The following GABRB3 variants were observed in gnomAD, a reference collection of about 807,000 sequenced individuals.
The protein encoded by GABRB3 is gamma-aminobutyric acid type A receptor subunit beta3.
Under a neutral mutation model 52.1 loss-of-function variants are expected in GABRB3, and 14 were observed. The ratio of observed to expected loss-of-function variants is 0.27; its 90% CI spans 0.18 to 0.42. The LOEUF (loss-of-function observed/expected upper bound fraction) is 0.42, where lower values mean the gene tolerates loss of function less well. Ranked by LOEUF, GABRB3 falls within the 10% of genes least tolerant of loss-of-function variation. The probability of loss-of-function intolerance (pLI) is 1.00; values close to 1 mark genes in which losing one functional copy is unlikely to be tolerated. For synonymous variants in GABRB3, 260 were observed against 232.3 expected, an observed-to-expected ratio of 1.12 and a Z score of -1.08; for missense variants, 307 against 609.1, an observed-to-expected ratio of 0.50 and a Z score of 5.22.
At chr15:26,690,106 A>AT (rs56143305) in intron 3 of GABRB3, among the ~76,000 whole-genome samples, 8,897 of 137,418 alleles carry the variant, frequency 0.065, 414 homozygotes, top group Admixed American at 0.1. Context: ...AGGTACACGG[A>AT]TTTTTTTTTT....
At chr15:26,564,797 A>G (rs1308915288) in intron 7 of GABRB3, among the ~76,000 whole-genome samples, 1 of 152,222 alleles carries the variant, frequency 6.6e-6, no homozygotes, top group Non-Finnish European at 1.5e-5. Flanking sequence ...ATAAGAGTTC[A>G]TAATGTTTGG....
Position 26,656,943 on chromosome 15 carries a change from G to T in GABRB3, c.241-35409C>A, listed in dbSNP as rs140278942. The T allele has an allele frequency of 5.3e-5, 8 of 152,324 alleles. 1 individual carries two copies. The highest frequency in any genetic ancestry group is 1.9e-4 in the African/African-American group (8 of 41,564). 9.4% of individuals were successfully genotyped at this position (152,324 alleles called of 1,614,324 possible). A position where few individuals can be genotyped will look rare whatever the true frequency, so the allele number is the denominator to read the frequency against. On this transcript the variant is annotated intron_variant, in intron 3 of 8. Coordinates refer to ENST00000311550, the MANE Select transcript of GABRB3 (RefSeq NM_000814.6). Reference sequence around the variant, plus strand: ...TAGAGACTGAAACAGCAATAATGATGCTTTACCTAGTAGCTCCATCTGTCT... The same window carrying T: ...TAGAGACTGAAACAGCAATAATGATTCTTTACCTAGTAGCTCCATCTGTCT...
At chr15:26,724,405 C>A (rs975469552) in intron 3 of GABRB3, among the ~76,000 whole-genome samples, 6 of 152,192 alleles carry the variant, frequency 3.9e-5, no homozygotes, top group Non-Finnish European at 8.8e-5. Flanking sequence ...CATTATATAT[C>A]CTTTCCCTTG....
intron 4 of GABRB3, among the ~76,000 whole-genome samples, chr15:26,606,771 T>TTG (rs1566770494): frequency 1.9e-5 from 1 of 53,128 alleles, no homozygotes; most frequent in Non-Finnish European, 5.5e-5. Context: ...TGTCTATCTA[T>TTG]AGATAGATAG....
chr15:26,597,383 T>C (rs183377896), intron 4 of GABRB3, among the ~76,000 whole-genome samples: 32 of 152,324 alleles, frequency 2.1e-4, no homozygotes, highest in Non-Finnish European at 2.4e-4. Context: ...TGAAGGAAGA[T>C]TGGCACCTTC....
At position 26,597,643 on chromosome 15, in the gene GABRB3, C is replaced by T. The variant is rs117029357; in HGVS notation, c.462-14229G>A. Among the ~76,000 whole-genome samples, 284 of 152,246 alleles carry T rather than the reference C, an allele frequency of 1.9e-3. 6 individuals are homozygous for T. The East Asian group carries it at 0.037, about 20-fold the overall frequency. ...GACCATGAAGGATACATTCTTAGAG[C>T]TAACAAAAGCCCCAATACATTCCAT... is the stretch of plus-strand genomic sequence containing the variant. On this transcript the variant is annotated intron_variant, in intron 4 of 8. Transcript: ENST00000311550.
At chr15:26,741,106 C>T (rs1265259880) in intron 3 of GABRB3, among the ~76,000 whole-genome samples, 1 of 151,218 alleles carries the variant, frequency 6.6e-6, no homozygotes, top group Non-Finnish European at 1.5e-5. Context: ...TATACAAGCA[C>T]ATAGCAAAAA....
intron 3 of GABRB3, among the ~76,000 whole-genome samples, chr15:26,760,228 G>A (rs918504578): frequency 6.6e-6 from 1 of 152,182 alleles, no homozygotes; most frequent in Admixed American, 6.5e-5. Context: ...AGAAGCTGTG[G>A]TCTGTGTAAA....
intron 3 of GABRB3, among the ~76,000 whole-genome samples, chr15:26,680,424 T>C (rs966975254): frequency 2.6e-5 from 4 of 152,122 alleles, no homozygotes; most frequent in Non-Finnish European, 4.4e-5. Context: ...CTCCTAGTCC[T>C]ACTTTGCTCA....
intron 4 of GABRB3, among the ~76,000 whole-genome samples, chr15:26,601,780 C>T (rs763849425): frequency 2.8e-4 from 43 of 151,926 alleles, no homozygotes; most frequent in Admixed American, 1.2e-3. Context: ...AAATAAAAAT[C>T]GAGAAACTAA....
At chr15:26,760,276 G>A (rs745375772) in intron 3 of GABRB3, among the ~76,000 whole-genome samples, 10 of 152,160 alleles carry the variant, frequency 6.6e-5, no homozygotes, top group African/African-American at 1.9e-4. Flanking sequence ...AACAGCTTAC[G>A]GACTCTAAGA....
intron 3 of GABRB3, among the ~76,000 whole-genome samples, chr15:26,648,894 G>A (rs879304539): frequency 2.0e-5 from 3 of 152,138 alleles, no homozygotes; most frequent in Non-Finnish European, 4.4e-5. Context: ...TGACTGGTGG[G>A]GTTCCAGGGA....
rs577620873 is a variant in GABRB3 at position 26,586,155 on chromosome 15, C to T, written c.462-2741G>A. On this transcript the variant is annotated intron_variant, in intron 4 of 8. Transcript: ENST00000311550. The stretch of plus-strand genomic sequence containing the variant: ...ATGGGACTACAGGCGCCTGCCACCA[C>T]GCCCAGCTAATTTTTTTGCATTTTT... Among the ~76,000 whole-genome samples the T allele has an allele frequency of 3.3e-5, 5 of 152,032 alleles. No homozygotes were observed. The East Asian group carries it at 7.8e-4, about 24-fold the overall frequency.
At chr15:26,752,182 T>G (rs893785215) in intron 3 of GABRB3, among the ~76,000 whole-genome samples, 4 of 152,112 alleles carry the variant, frequency 2.6e-5, no homozygotes, top group Non-Finnish European at 5.9e-5. Flanking sequence ...ATGGAGAGAC[T>G]TCCTGCAGAC....
At chr15:26,643,698 T>C (rs1893275931) in intron 3 of GABRB3, among the ~76,000 whole-genome samples, 1 of 152,092 alleles carries the variant, frequency 6.6e-6, no homozygotes, top group South Asian at 2.1e-4. Flanking sequence ...GTGACCTCAG[T>C]CTGACCTCCA....
intron 3 of GABRB3, among the ~76,000 whole-genome samples, chr15:26,721,032 G>T (rs779389001): frequency 3.7e-4 from 57 of 152,252 alleles, no homozygotes; most frequent in Admixed American, 6.5e-4. Context: ...ACTTCATTCT[G>T]CAAGGCTTTC....
chr15:26,591,208 T>C (rs1398321123), intron 4 of GABRB3, among the ~76,000 whole-genome samples: 2 of 152,182 alleles, frequency 1.3e-5, no homozygotes, highest in African/African-American at 4.8e-5. Flanking sequence ...ATTGAGGCTT[T>C]CTAGCTGATT....
At chr15:26,549,052 G>C (rs984174561) in intron 8 of GABRB3, among the ~76,000 whole-genome samples, 11 of 152,150 alleles carry the variant, frequency 7.2e-5, no homozygotes, top group African/African-American at 1.9e-4. Context: ...TCTTTGCCTG[G>C]AGGGCCATTT....
intron 3 of GABRB3, among the ~76,000 whole-genome samples, chr15:26,628,049 C>G (rs919305051): frequency 1.3e-5 from 2 of 152,220 alleles, no homozygotes; most frequent in Non-Finnish European, 2.9e-5. Context: ...GCAAAAAGAT[C>G]ATGACTCACT....
Sources: allele counts gnomAD v4.1 joint callset (sites outside exome capture counted in the v4.1 genomes callset), GRCh38; gene constraint gnomAD v4.1.1; transcripts MANE v1.5; gene names NCBI Gene and HGNC (gene_info 2026-07-23, HGNC 2026-07-21).